The following FRMD3 variants were observed in gnomAD, a reference collection of about 807,000 sequenced individuals.
FRMD3 encodes FERM domain containing 3.
In FRMD3, 33 loss-of-function variants were observed where a neutral mutation model predicts 70.2. The observed-to-expected ratio is 0.47, with a 90% CI of 0.36 to 0.63. The LOEUF is 0.63. Ranked by LOEUF, FRMD3 falls within the 20% of genes least tolerant of loss-of-function variation. The pLI is 0.00. For synonymous variants in FRMD3, 279 were observed against 255.9 expected (o/e 1.09, Z -0.86); for missense variants, 632 against 711.4 (o/e 0.89, Z 1.27).
At chr9:83,264,034 T>G (rs1544063) in intron 13 of FRMD3, among the ~76,000 whole-genome samples, 1 of 152,044 alleles carries the variant, frequency 6.6e-6, no homozygotes, top group Non-Finnish European at 1.5e-5. Context: ...CAATAGAAAA[T>G]CCAACACACT....
intron 1 of FRMD3, among the ~76,000 whole-genome samples, chr9:83,470,459 T>G (rs1022594364): frequency 1.3e-5 from 2 of 152,216 alleles, no homozygotes; most frequent in Non-Finnish European, 2.9e-5. Flanking sequence ...AGAGAACACA[T>G]GTAAATCAGC....
intron 2 of FRMD3, among the ~76,000 whole-genome samples, chr9:83,373,644 A>G (rs62563655): frequency 0.7 from 106,759 of 151,452 alleles, 37,866 homozygotes; most frequent in Admixed American, 0.73. Flanking sequence ...AGCACATACA[A>G]AGATCACTTC....
intron 6 of FRMD3, among the ~76,000 whole-genome samples, chr9:83,333,541 A>G (rs1823466963): frequency 6.6e-6 from 1 of 152,314 alleles, no homozygotes; most frequent in East Asian, 1.9e-4. Flanking sequence ...TTTCTCATGA[A>G]ATTGTGGATC....
chr9:83,572,977 T>C, the FRMD3 span, among the ~76,000 whole-genome samples: 1 of 152,206 alleles, frequency 6.6e-6, no homozygotes, highest in African/African-American at 2.4e-5. Flanking sequence ...TACAGTGTTA[T>C]TGAACAAAGG....
chr9:83,575,385 T>G, the FRMD3 span, among the ~76,000 whole-genome samples: 2 of 152,130 alleles, frequency 1.3e-5, no homozygotes, highest in Non-Finnish European at 2.9e-5. Flanking sequence ...TCAGGCAACA[T>G]GATGTCAAAT....
intron 5 of FRMD3, among the ~76,000 whole-genome samples, chr9:83,342,269 C>T (rs1461699801): frequency 6.6e-6 from 1 of 152,166 alleles, no homozygotes; most frequent in Non-Finnish European, 1.5e-5. Flanking sequence ...TCCCTCAAAC[C>T]ACTTTCCTTA....
chr9:83,479,700 G>GAAAGAAAGAA (rs1460749360), intron 1 of FRMD3, among the ~76,000 whole-genome samples: 1 of 71,140 alleles, frequency 1.4e-5, no homozygotes, highest in African/African-American at 7.4e-5. Context: ...AAGAAAGAAA[G>GAAAGAAAGAA]AAAGAAAGAA....
intron 1 of FRMD3, among the ~76,000 whole-genome samples, chr9:83,439,317 G>A (rs1427600979): frequency 6.6e-6 from 1 of 152,206 alleles, no homozygotes; most frequent in African/African-American, 2.4e-5. Context: ...CATGACCAAT[G>A]GCCAAGGGAA....
chr9:83,374,878 G>T (rs930745039), intron 2 of FRMD3, among the ~76,000 whole-genome samples: 1 of 152,174 alleles, frequency 6.6e-6, no homozygotes, highest in African/African-American at 2.4e-5. Context: ...GGATCATTTA[G>T]AACTAAGGTA....
chr9:83,312,310 G>T (rs1835392796), intron 7 of FRMD3, among the ~76,000 whole-genome samples: 1 of 152,208 alleles, frequency 6.6e-6, no homozygotes, highest in South Asian at 2.1e-4. Context: ...TGTAATGTGA[G>T]AAAACTGTTC....
intron 1 of FRMD3, among the ~76,000 whole-genome samples, chr9:83,518,109 C>T (rs556093134): frequency 1.3e-3 from 204 of 152,274 alleles, no homozygotes; most frequent in African/African-American, 4.6e-3. Flanking sequence ...TTCACCACTC[C>T]TGTTTGACAG....
At chr9:83,251,551 G>C (rs1333858498) in intron 13 of FRMD3, among the ~76,000 whole-genome samples, 1 of 151,752 alleles carries the variant, frequency 6.6e-6, no homozygotes, top group African/African-American at 2.4e-5. Context: ...TTCAGAAGGT[G>C]GGTAATAACG....
At chr9:83,415,965 T>A (rs912386843) in intron 1 of FRMD3, among the ~76,000 whole-genome samples, 1 of 152,210 alleles carries the variant, frequency 6.6e-6, no homozygotes, top group East Asian at 1.9e-4. Context: ...ATGTGGCTTC[T>A]TCTTGCTCCA....
intron 1 of FRMD3, among the ~76,000 whole-genome samples, chr9:83,523,066 AATT>A (rs1292109243): frequency 3.3e-5 from 5 of 152,244 alleles, no homozygotes; most frequent in Admixed American, 2.0e-4. Flanking sequence ...GGCAAGGATT[AATT>A]ATTATTTGTC....
chr9:83,317,193 TACACACACACAC>T (rs71823603), intron 6 of FRMD3, among the ~76,000 whole-genome samples: 6 of 145,030 alleles, frequency 4.1e-5, no homozygotes, highest in Non-Finnish European at 6.0e-5. Flanking sequence ...CTCTCATGCA[TACACACACACAC>T]ACACACACAC....
At chr9:83,455,642 A>AAT (rs933216391) in intron 1 of FRMD3, among the ~76,000 whole-genome samples, 30 of 152,208 alleles carry the variant, frequency 2.0e-4, no homozygotes, top group Non-Finnish European at 4.3e-4. Context: ...AAAACAGACT[A>AAT]ATATATATAT....
At chr9:83,565,306 C>G in the FRMD3 span, among the ~76,000 whole-genome samples, 2,140 of 152,204 alleles carry the variant, frequency 0.014, 50 homozygotes, top group African/African-American at 0.049. Context: ...ATCTCAAGCA[C>G]GTAAGACTTA....
intron 3 of FRMD3, among the ~76,000 whole-genome samples, chr9:83,363,716 G>A (rs940042446): frequency 5.9e-5 from 9 of 152,102 alleles, no homozygotes; most frequent in South Asian, 2.1e-4. Flanking sequence ...CACCTCGCCC[G>A]GCTAATTTTT....
chr9:83,545,232 A>C, the FRMD3 span, among the ~76,000 whole-genome samples: 1 of 152,222 alleles, frequency 6.6e-6, no homozygotes, highest in African/African-American at 2.4e-5. Flanking sequence ...GCAATTACAA[A>C]ATACAGTTGA....
Sources: allele counts gnomAD v4.1 joint callset (sites outside exome capture counted in the v4.1 genomes callset), GRCh38; gene constraint gnomAD v4.1.1; transcripts MANE v1.5; gene names NCBI Gene and HGNC (gene_info 2026-07-23, HGNC 2026-07-21).